Variants in IFT74 observed in about 807,000 individuals in gnomAD.
IFT74 encodes intraflagellar transport 74.
Under a neutral mutation model 96.7 loss-of-function variants are expected in IFT74, and 92 were observed. The observed-to-expected ratio is 0.95, with a 90% CI of 0.80 to 1.13. The LOEUF (loss-of-function observed/expected upper bound fraction) is 1.13. Ranked by LOEUF, IFT74 falls within the 50% of genes most tolerant of loss-of-function variation. IFT74 has a pLI of 0.00. For missense variants in IFT74, 811 were observed against 698.2 expected, an observed-to-expected ratio of 1.16 and a Z score of -1.82; for synonymous variants, 223 against 213.2, an observed-to-expected ratio of 1.05 and a Z score of -0.40.
intron 1 of IFT74, among the ~76,000 whole-genome samples, chr9:26,948,469 T>A (rs1200723489): frequency 2.3e-4 from 23 of 99,580 alleles, no homozygotes; most frequent in African/African-American, 7.6e-4. Flanking sequence ...TTTTTTTTTT[T>A]TTTTTTTTTT....
intron 12 of IFT74, among the ~76,000 whole-genome samples, chr9:27,026,509 A>G (rs975736632): frequency 1.3e-5 from 2 of 152,182 alleles, no homozygotes; most frequent in African/African-American, 4.8e-5. Context: ...CTACCCAACA[A>G]CTGCAGAATA....
In IFT74 at chr9:27,056,731, A is replaced by G. The variant is rs533330523; in HGVS notation, c.1623+272A>G. On this transcript the variant is annotated intron_variant, in intron 18 of 19. Transcript: ENST00000380062. The stretch of plus-strand genomic sequence containing the variant: ...GTATATTTTAAAAATTTTGGAAGTG[A>G]AACATTACTAATACAGAAACTAAAA... Among the ~76,000 whole-genome samples, 54 of 152,206 alleles carry G rather than the reference A, an allele frequency of 3.5e-4. 1 individual carries two copies. The highest frequency in any genetic ancestry group is 1.2e-3 in the African/African-American group (51 of 41,550).
chr9:26,955,055 G>C (rs915468351), upstream of IFT74, among the ~76,000 whole-genome samples: 3 of 152,146 alleles, frequency 2.0e-5, no homozygotes, highest in Non-Finnish European at 4.4e-5. Context: ...TTAAAACTTG[G>C]ATAATAGTAT....
chr9:26,975,952 C>G (rs1015588321), intron 2 of IFT74, among the ~76,000 whole-genome samples: 6 of 151,682 alleles, frequency 4.0e-5, no homozygotes, highest in African/African-American at 1.5e-4. Context: ...AGGACCCACT[C>G]AATCCACACA....
intron 8 of IFT74, among the ~76,000 whole-genome samples, chr9:27,006,340 G>T (rs12336174): frequency 6.6e-6 from 1 of 152,130 alleles, no homozygotes; most frequent in Non-Finnish European, 1.5e-5. Context: ...TCTGACACCT[G>T]TAATCCCAGC....
At chr9:26,996,088 A>G (rs1459343061) in intron 8 of IFT74, among the ~76,000 whole-genome samples, 1 of 152,162 alleles carries the variant, frequency 6.6e-6, no homozygotes, top group Non-Finnish European at 1.5e-5. Context: ...TTGTGACTAG[A>G]CTAGTTAAAA....
At chr9:26,986,776 G>C (rs10967644) in intron 6 of IFT74, among the ~76,000 whole-genome samples, 11,324 of 151,940 alleles carry the variant, frequency 0.075, 540 homozygotes, top group African/African-American at 0.13. Context: ...GTGCATGCCA[G>C]CATGCCTGGC....
At chr9:27,039,533 T>C (rs1255719716) in intron 13 of IFT74, among the ~76,000 whole-genome samples, 1 of 152,152 alleles carries the variant, frequency 6.6e-6, no homozygotes, top group African/African-American at 2.4e-5. Context: ...TTTCTATTTT[T>C]AAAATAAAAA....
At chr9:26,983,312 C>T (rs541802935) in intron 4 of IFT74, among the ~76,000 whole-genome samples, 1 of 152,304 alleles carries the variant, frequency 6.6e-6, no homozygotes, top group African/African-American at 2.4e-5. Context: ...ATTGCATTGC[C>T]TTTCTCCCCC....
rs144890598 is a variant in IFT74, at chr9:26,982,541, C to T, written c.306-1716C>T. On this transcript the variant is annotated intron_variant, in intron 4 of 19. Transcript: ENST00000380062. ...GCCTGATCTCTGGCACCGCAACCTC[C>T]GCCTCCCGGGTTCAAGTGATTCTCC... The T allele has an allele frequency of 8.0e-4, 228 of 284,236 alleles. 4 individuals are homozygous for T. Among genetic ancestry groups the T allele is most frequent in the East Asian group, 5.3e-3 (40 of 7,574 alleles). 17.6% of individuals were successfully genotyped at this position (284,236 alleles called of 1,614,324 possible).
intron 13 of IFT74, among the ~76,000 whole-genome samples, chr9:27,042,470 C>T (rs929515324): frequency 1.3e-5 from 2 of 152,054 alleles, no homozygotes; most frequent in Non-Finnish European, 2.9e-5. Context: ...TCAAATATTA[C>T]AGAGTAAGAT....
chr9:26,990,178 A>T lies in IFT74; in HGVS notation c.570A>T (p.Ile190=), dbSNP rs369603574. 6.8e-7 allele frequency: 1 copy of T among 1,468,552 alleles called. No homozygotes were observed. The highest frequency in any genetic ancestry group is 1.4e-5 in the African/African-American group (1 of 69,390). 91.0% of individuals were successfully genotyped at this position (1,468,552 alleles called of 1,614,324 possible). A position where few individuals can be genotyped will look rare whatever the true frequency, so the allele number is the denominator to read the frequency against. Residue 190 remains isoleucine, a synonymous_variant, in exon 8 of 20, where the codon ATA becomes ATT. Coordinates refer to ENST00000380062, the MANE Select transcript of IFT74 (RefSeq NM_025103.4). The part of the protein sequence containing the change: ...NDRETQSLDV[I]FTERQAKEKQ... ...GAGAAACACAAAGTTTGGATGTCAT[A>T]TTTACTGAAAGACAAGCGTAAGTAT...
At chr9:26,952,934 G>C (rs925191022), upstream of IFT74, among the ~76,000 whole-genome samples, 5 of 152,164 alleles carry the variant, frequency 3.3e-5, no homozygotes, top group African/African-American at 9.7e-5. Context: ...AAAAGCAGCA[G>C]CTGACTAGTC....
chr9:27,005,748 CA>C (rs998227774), intron 8 of IFT74: 3 of 151,962 alleles, frequency 2.0e-5, no homozygotes, highest in African/African-American at 7.2e-5. Flanking sequence ...ACTTCCTTAG[CA>C]AAAGATTGAC....
intron 8 of IFT74, among the ~76,000 whole-genome samples, chr9:27,007,032 T>A (rs1293120083): frequency 1.3e-5 from 2 of 151,582 alleles, no homozygotes; most frequent in African/African-American, 2.4e-5. Context: ...AGAGACGGGG[T>A]TTCACCATGT....
At chr9:26,991,264 C>A (rs543560680) in intron 8 of IFT74, among the ~76,000 whole-genome samples, 1 of 152,256 alleles carries the variant, frequency 6.6e-6, no homozygotes, top group African/African-American at 2.4e-5. Flanking sequence ...TGCTCTGTTG[C>A]CCTTGCTGAA....
chr9:27,011,528 A>G lies in IFT74; in HGVS notation c.727-378A>G, dbSNP rs1267818806. ...ACACGGTTACAAATCAAAATTTTAA[A>G]TAATAATCTTAAACAATGACATAAT... On this transcript the variant is annotated intron_variant, in intron 9 of 19. Coordinates refer to ENST00000380062, the MANE Select transcript of IFT74 (RefSeq NM_025103.4). Among the ~76,000 whole-genome samples the G allele has an allele frequency of 2.0e-5, 3 of 152,184 alleles. No homozygotes were observed. The East Asian group carries it at 5.8e-4, about 29-fold the overall frequency.
At chr9:27,045,651 A>G (rs1002068662) in intron 14 of IFT74, among the ~76,000 whole-genome samples, 2 of 152,090 alleles carry the variant, frequency 1.3e-5, no homozygotes, top group Non-Finnish European at 2.9e-5. Context: ...AAAAATTGGC[A>G]TGTATTCTCA....
At chr9:26,996,479 A>G in intron 8 of IFT74, 2 of 1,495,458 alleles carry the variant, frequency 1.3e-6, no homozygotes, top group Non-Finnish European at 1.8e-6. Flanking sequence ...GGGTAGCTAC[A>G]CATGGTGATG....
Sources: allele counts gnomAD v4.1 joint callset (sites outside exome capture counted in the v4.1 genomes callset), GRCh38; gene constraint gnomAD v4.1.1; transcripts MANE v1.5; gene names NCBI Gene and HGNC (gene_info 2026-07-23, HGNC 2026-07-21).